LRP1B: variants seen among roughly 807,000 people sequenced by gnomAD.
LRP1B encodes the protein low-density lipoprotein receptor-related protein 1B.
LRP1B carries 217 observed loss-of-function variants against 556.6 expected under a neutral mutation model. The ratio of observed to expected loss-of-function variants is 0.39; its 90% CI spans 0.35 to 0.44. LRP1B has a LOEUF of 0.44. LRP1B is among the 20% of genes least tolerant of loss of function. The pLI is 1.00. For missense variants in LRP1B, 5,053 were observed against 5,620.8 expected (o/e 0.90, Z 3.23); for synonymous variants, 2,047 against 1,865.8 (o/e 1.10, Z -2.50).
At chr2:140,556,135 T>C (rs1204425121) in intron 43 of LRP1B, among the ~76,000 whole-genome samples, 2 of 152,004 alleles carry the variant, frequency 1.3e-5, no homozygotes, top group African/African-American at 2.4e-5. Flanking sequence ...TACCCCAAAA[T>C]ATGGAACCTT....
At chr2:141,194,311 T>C (rs1379011916) in intron 6 of LRP1B, among the ~76,000 whole-genome samples, 1 of 152,108 alleles carries the variant, frequency 6.6e-6, no homozygotes, top group Admixed American at 6.6e-5. Context: ...TTATTTTCTA[T>C]ATTGATTTTC....
At chr2:141,812,939 A>C (rs1407927871) in intron 1 of LRP1B, among the ~76,000 whole-genome samples, 6 of 152,128 alleles carry the variant, frequency 3.9e-5, no homozygotes, top group African/African-American at 7.2e-5. Context: ...ATAGATAGAA[A>C]AAAAAAAGAC....
At chr2:141,562,929 C>T (rs1686213756) in intron 2 of LRP1B, among the ~76,000 whole-genome samples, 1 of 151,680 alleles carries the variant, frequency 6.6e-6, no homozygotes, top group African/African-American at 2.4e-5. Context: ...TTAATATGAA[C>T]AATAAGACCA....
In LRP1B at chr2:140,558,991, G is replaced by T. The variant is rs910279890; in HGVS notation, c.7195-17020C>A. Among the ~76,000 whole-genome samples, 47 of 149,806 alleles carry T rather than the reference G, an allele frequency of 3.1e-4. 1 individual carries two copies. Among genetic ancestry groups the T allele is most frequent in the African/African-American group, 1.0e-3 (41 of 40,896 alleles). On this transcript the variant is annotated intron_variant, in intron 43 of 90. Coordinates refer to ENST00000389484, the MANE Select transcript of LRP1B (RefSeq NM_018557.3). ...AATCACAATTTGTGCTGTCAAACAA[G>T]TAAGGAAATATAAGTATAGGCTACA...
At chr2:140,334,584 T>C in intron 78 of LRP1B, 25 bp from the exon 79 acceptor site, 2 of 1,358,440 alleles carry the variant, frequency 1.5e-6, no homozygotes, top group Non-Finnish European at 2.0e-6. Context: ...TCAGAGAGGT[T>C]AGCCTGGTGA....
chr2:141,655,604 G>T (rs1318566736), intron 2 of LRP1B, among the ~76,000 whole-genome samples: 2 of 152,058 alleles, frequency 1.3e-5, no homozygotes, highest in African/African-American at 4.8e-5. Flanking sequence ...TTATTTATGT[G>T]TTTTAATATT....
chr2:140,952,866 T>A (rs1695760096), intron 18 of LRP1B, among the ~76,000 whole-genome samples: 1 of 152,212 alleles, frequency 6.6e-6, no homozygotes, highest in African/African-American at 2.4e-5. Context: ...CTCTAATTCA[T>A]ACATGGTGAA....
intron 32 of LRP1B, among the ~76,000 whole-genome samples, chr2:140,797,200 A>G (rs1460960310): frequency 6.6e-6 from 1 of 152,056 alleles, no homozygotes; most frequent in Non-Finnish European, 1.5e-5. Context: ...TCATAAATAT[A>G]TGATCTCAGA....
In LRP1B at chr2:141,889,565, C is replaced by T. The variant is rs548091380; in HGVS notation, c.83-79164G>A. On this transcript the variant is annotated intron_variant, in intron 1 of 90. Coordinates refer to ENST00000389484, the MANE Select transcript of LRP1B (RefSeq NM_018557.3). ...GTATTAAAGAATAGGGCAGATTATG[C>T]CTCTATATATTGTGTAGTTTGTAAG... Among the ~76,000 whole-genome samples, 110 of 152,134 alleles carry T rather than the reference C, an allele frequency of 7.2e-4. 1 individual carries two copies. Among genetic ancestry groups the T allele is most frequent in the African/African-American group, 2.5e-3 (105 of 41,526 alleles).
rs145455763 is a variant in LRP1B at position 142,074,691 on chromosome 2, G to A, written c.82+55957C>T. On this transcript the variant is annotated intron_variant, in intron 1 of 90. Transcript: ENST00000389484. ...AGCCAGTCATCTCCTACTCACCCCA[G>A]CTCAAGGCCTTAGGGTTTCCTCTTC... Among the ~76,000 whole-genome samples the A allele has an allele frequency of 4.0e-3, 615 of 152,030 alleles. 9 individuals carry two copies. The highest frequency in any genetic ancestry group is 0.014 in the African/African-American group (589 of 41,498).
chr2:140,488,512 G>T (rs1417537260), intron 57 of LRP1B, among the ~76,000 whole-genome samples: 1 of 151,928 alleles, frequency 6.6e-6, no homozygotes. Context: ...TGGTTTGGCA[G>T]TTCTCACATT....
intron 25 of LRP1B, among the ~76,000 whole-genome samples, chr2:140,878,338 A>G (rs1463168890): frequency 6.6e-6 from 1 of 152,168 alleles, no homozygotes; most frequent in African/African-American, 2.4e-5. Flanking sequence ...TAAAGATAAG[A>G]TTGTTTTGTA....
chr2:141,644,007 AGAGTGTGTGTGTGTGTGTGTGTGT>A (rs1284932536), intron 2 of LRP1B, among the ~76,000 whole-genome samples: 176 of 142,324 alleles, frequency 1.2e-3, no homozygotes, highest in African/African-American at 3.7e-3. Context: ...GAGAATGTGG[AGAGTGTGTGTGTGTGTGTGTGTGT>A]GTGTGTGTGT....
At chr2:140,753,816 C>T (rs1246707187) in intron 35 of LRP1B, among the ~76,000 whole-genome samples, 4 of 152,138 alleles carry the variant, frequency 2.6e-5, no homozygotes, top group Non-Finnish European at 5.9e-5. Flanking sequence ...ACGACACCAA[C>T]TTTTCTCGTA....
intron 41 of LRP1B, among the ~76,000 whole-genome samples, chr2:140,694,676 A>G (rs907220453): frequency 6.6e-6 from 1 of 152,110 alleles, no homozygotes; most frequent in Non-Finnish European, 1.5e-5. Context: ...ATTTGTCAAC[A>G]TTTATTAGCT....
rs79798812 is a variant in LRP1B at position 141,005,443 on chromosome 2, G to C, written c.2395C>G (p.Arg799Gly). Residue 799 changes from arginine to glycine, a missense_variant, in exon 15 of 91, where the codon CGA (arginine) becomes GGA (glycine). Physicochemically the swap from Arg to Gly is moderately radical, Grantham distance 125 (BLOSUM62 -2). Around this residue, in one of 5 missense-constraint regions of LRP1B, gnomAD observed 3,619 missense variants for 3,931.9 expected, o/e 0.92. Transcript: ENST00000389484. ...PRKQQGDNMC[R>G]VNNGGCSTLC... Reference sequence around the variant, plus strand: ...GTACTACAGCCCCCATTATTTACTCGGCACATATTGTCACCTGCAAGAGGA... The same window carrying C: ...GTACTACAGCCCCCATTATTTACTCCGCACATATTGTCACCTGCAAGAGGA... 1 of 1,610,096 alleles carries C rather than the reference G, an allele frequency of 6.2e-7. No homozygotes were observed. Among genetic ancestry groups the C allele is most frequent in the Non-Finnish European group, 8.5e-7 (1 of 1,177,478 alleles).
At chr2:141,945,585 T>G (rs912699972) in intron 1 of LRP1B, among the ~76,000 whole-genome samples, 2 of 151,864 alleles carry the variant, frequency 1.3e-5, no homozygotes, top group African/African-American at 2.4e-5. Context: ...TTATTGAAAT[T>G]TATTGATAGA....
chr2:140,598,881 G>A (rs2105190053), intron 42 of LRP1B, 46 bp from the exon 43 acceptor site: 1 of 1,289,708 alleles, frequency 7.8e-7, no homozygotes, highest in East Asian at 2.4e-5. Flanking sequence ...TTCTCATCAA[G>A]AGTAAAAATA....
chr2:141,317,370 G>A lies in LRP1B; in HGVS notation c.344-62729C>T, dbSNP rs149471225. On this transcript the variant is annotated intron_variant, in intron 3 of 90. Transcript: ENST00000389484. Reference sequence around the variant, plus strand: ...CCCAAGGTCTTGTCTTCCTTGGCTTGCAGATGGCTACCTTCAAGCTGTACC... The same window carrying A: ...CCCAAGGTCTTGTCTTCCTTGGCTTACAGATGGCTACCTTCAAGCTGTACC... 6.6e-3 allele frequency among the ~76,000 whole-genome samples: 1,002 copies of A among 152,226 alleles called. 5 individuals are homozygous for A. Among genetic ancestry groups the A allele is most frequent in the Middle Eastern group, 0.014 (4 of 294 alleles).
Sources: gnomAD v4.1 joint callset for allele counts (sites outside exome capture counted in the v4.1 genomes callset) on GRCh38, gnomAD v4.1.1 for gene constraint, gnomAD v4.1.1 regional missense constraint, MANE v1.5 for transcripts, NCBI Gene and HGNC (gene_info 2026-07-23, HGNC 2026-07-21) for gene names.